The following MYO1F variants were observed in gnomAD, a reference collection of about 807,000 sequenced individuals.
The protein encoded by MYO1F is myosin IF.
MYO1F carries 60 observed loss-of-function variants against 146.6 expected under a neutral mutation model. The ratio of observed to expected loss-of-function variants is 0.41; its 90% CI spans 0.33 to 0.51. MYO1F has a LOEUF of 0.51. Among genes scored for constraint, MYO1F ranks in the 20% least tolerant of loss-of-function variants. MYO1F has a pLI of 0.25. For synonymous variants in MYO1F, 602 were observed against 602.1 expected (o/e 1.00, Z 0.00); for missense variants, 1,274 against 1,534.3 (o/e 0.83, Z 2.83).
intron 22 of MYO1F, 21 bp from the exon 23 acceptor site, chr19:8,526,956 G>C (rs775216667): frequency 6.2e-7 from 1 of 1,612,986 alleles, no homozygotes; most frequent in Non-Finnish European, 8.5e-7. Context: ...GCGGGTGAGA[G>C]CGTCAGGTGG....
At chr19:8,527,698 C>T (rs1254054103) in intron 21 of MYO1F, among the ~76,000 whole-genome samples, 4 of 152,140 alleles carry the variant, frequency 2.6e-5, no homozygotes, top group African/African-American at 9.7e-5. Flanking sequence ...CTGCAACCTC[C>T]CCCTCCTGGG....
In MYO1F at chr19:8,551,508, C is replaced by T. The variant is rs2013694; in HGVS notation, c.771+232G>A. 0.1 allele frequency: 54,237 copies of T among 541,126 alleles called. 3,106 individuals carry two copies. Among genetic ancestry groups the T allele is most frequent in the East Asian group, 0.13 (3,707 of 28,186 alleles). The allele number at this position is 541,126 out of a possible 1,614,324, so 33.5% of individuals were successfully genotyped here. A position where few individuals can be genotyped will look rare whatever the true frequency, so the allele number is the denominator to read the frequency against. On this transcript the variant is annotated intron_variant, in intron 8 of 27. Coordinates refer to ENST00000644032, the MANE Select transcript of MYO1F (RefSeq NM_012335.4). ...CTGGGATTACAGTCACACGCCACCA[C>T]ATCTGGCTAATTTTTGTATTTTAAG...
At position 8,525,551 on chromosome 19, in the gene MYO1F, T is replaced by A; in HGVS notation, c.2782A>T (p.Lys928Ter). 6.2e-7 allele frequency: 1 copy of A among 1,613,408 alleles called. No individual in the cohort carries two copies. ...GLPKSSKPTR[K>*]GMAKGKPRRS... ...CGAGGTTTTCCCTTGGCCATTCCCT[T>A]CCGCGTAGGCTCTGAAAGAAGAGTG... Residue 928 changes from lysine (K) to a stop codon, truncating the protein, a stop_gained, in exon 25 of 28, where the codon AAG becomes TAG. Transcript: ENST00000644032. LOFTEE classifies it high-confidence loss of function.
intron 1 of MYO1F, among the ~76,000 whole-genome samples, chr19:8,566,873 G>A (rs1008457594): frequency 2.0e-5 from 3 of 151,632 alleles, no homozygotes; most frequent in South Asian, 4.2e-4. Flanking sequence ...ATAGAGTCTC[G>A]CTATGTTGCC....
intron 1 of MYO1F, among the ~76,000 whole-genome samples, chr19:8,556,249 G>A (rs867876732): frequency 6.6e-6 from 1 of 150,674 alleles, no homozygotes. Flanking sequence ...AGGCTGGTCT[G>A]GAACTCCTGA....
intron 2 of MYO1F, 79 bp from the exon 3 acceptor site, chr19:8,554,822 C>G: frequency 3.2e-6 from 4 of 1,264,990 alleles, no homozygotes; most frequent in Non-Finnish European, 4.6e-6. Context: ...CCACCCAGGG[C>G]TTCCTAAAAC....
At chr19:8,525,587 G>GA (rs1972233346) in intron 24 of MYO1F, 25 bp from the exon 25 acceptor site, 1 of 1,593,244 alleles carries the variant, frequency 6.3e-7, no homozygotes, top group Non-Finnish European at 8.6e-7. Context: ...TCAGGGAGTT[G>GA]AATGACAGAC....
At position 8,530,270 on chromosome 19, in the gene MYO1F, G is replaced by T; in HGVS notation, c.2254C>A (p.Leu752Met). 6.2e-7 allele frequency: 1 copy of T among 1,614,134 alleles called. No individual in the cohort carries two copies. Among genetic ancestry groups the T allele is most frequent in the South Asian group, 1.1e-5 (1 of 91,080 alleles). ...TCCCTCTTGCCCAGGAACTGACGCA[G>T]CTCGGGCCGCTCCTCCAGCCCCAGG... ...DYLGLEERPELRQFLGKRERV... is the reference protein window; with the variant it reads ...DYLGLEERPEMRQFLGKRERV... The change falls in exon 21 of 28, where the codon CTG (leucine) becomes ATG (methionine). Residue 752 changes from leucine to methionine, a missense_variant. Coordinates refer to ENST00000644032, the MANE Select transcript of MYO1F (RefSeq NM_012335.4). This position sits in a 1 kb window ranked among gnomAD's most constrained non-coding sequence, Gnocchi z 5.8.
At chr19:8,570,010 A>G (rs2042079395) in intron 1 of MYO1F, among the ~76,000 whole-genome samples, 1 of 152,048 alleles carries the variant, frequency 6.6e-6, no homozygotes, top group Admixed American at 6.6e-5. Context: ...GGCTCAAGCG[A>G]ATCCTCCTGC....
intron 25 of MYO1F, among the ~76,000 whole-genome samples, chr19:8,524,546 C>G (rs891292839): frequency 6.0e-5 from 9 of 150,110 alleles, no homozygotes; most frequent in Admixed American, 2.0e-4. Context: ...GATCATGCCA[C>G]TGCACTCCAG....
At chr19:8,570,896 C>A (rs1489208880) in intron 1 of MYO1F, among the ~76,000 whole-genome samples, 2 of 152,132 alleles carry the variant, frequency 1.3e-5, no homozygotes, top group African/African-American at 4.8e-5. Context: ...ACCTCTCTGC[C>A]TCAGTTTCCT....
rs1972431792 is a variant in MYO1F at position 8,530,372 on chromosome 19, G to A, written c.2159-7C>T. 1.2e-6 allele frequency: 2 copies of A among 1,614,094 alleles called. No individual in the cohort carries two copies. The highest frequency in any genetic ancestry group is 2.2e-5 in the East Asian group (1 of 44,882). ...TTCAGCAGGATGTTGGAAGCTGCGGGGACAGAGGGTGGAGGGCAGAGCTCC... is the reference window on the plus strand; with the variant it reads ...TTCAGCAGGATGTTGGAAGCTGCGGAGACAGAGGGTGGAGGGCAGAGCTCC... On this transcript the variant is annotated splice_region_variant and splice_polypyrimidine_tract_variant and intron_variant, in intron 20 of 27. Transcript: ENST00000644032. This position sits in a 1 kb window ranked among gnomAD's most constrained non-coding sequence, Gnocchi z 5.8.
intron 1 of MYO1F, among the ~76,000 whole-genome samples, chr19:8,557,527 T>G (rs2145935827): frequency 6.6e-6 from 1 of 152,260 alleles, no homozygotes; most frequent in African/African-American, 2.4e-5. Flanking sequence ...GGTCTTGAAC[T>G]CCTGGGCTGA....
chr19:8,575,683 G>A (rs2042227454), intron 1 of MYO1F, among the ~76,000 whole-genome samples: 1 of 152,058 alleles, frequency 6.6e-6, no homozygotes, highest in Admixed American at 6.6e-5. Context: ...ACTCCTCCAG[G>A]AAGATTTCAG....
chr19:8,543,996 C>A (rs74744323), intron 14 of MYO1F: 3 of 137,132 alleles, frequency 2.2e-5, no homozygotes, highest in South Asian at 5.9e-5. Flanking sequence ...GGTGGTGGTG[C>A]TGGTGGTGGC....
intron 1 of MYO1F, among the ~76,000 whole-genome samples, chr19:8,556,107 C>T (rs973986500): frequency 1.4e-4 from 21 of 151,664 alleles, no homozygotes; most frequent in African/African-American, 4.6e-4. Context: ...CTGCTCACTG[C>T]AACATCCACC....
At position 8,536,318 on chromosome 19, in the gene MYO1F, C is replaced by T. The variant is rs771853880; in HGVS notation, c.1977G>A (p.Ala659=). The change falls in exon 19 of 28, where the codon GCG becomes GCA. Residue 659 remains alanine (A), a synonymous_variant. Transcript: ENST00000644032. ...ERQGVQHLLR[A]VNMEPDQYQM... Reference sequence around the variant, plus strand: ...GGTACTGGTCGGGCTCCATGTTGACCGCCCGAAGCAGGTGCTGGACGCCCT... The same window carrying T: ...GGTACTGGTCGGGCTCCATGTTGACTGCCCGAAGCAGGTGCTGGACGCCCT... The T allele has an allele frequency of 2.9e-5, 47 of 1,608,082 alleles. No homozygotes were observed. The Admixed American group carries it at 3.3e-4, about 11-fold the overall frequency.
chr19:8,548,098 T>C lies in MYO1F; in HGVS notation c.1207A>G (p.Ile403Val). Reference sequence around the variant, plus strand: ...TGCAGCTTCTCATTGACGAAGTTGATGCAAAACTGCTCGAAGCCATTTTTC... The same window carrying C: ...TGCAGCTTCTCATTGACGAAGTTGACGCAAAACTGCTCGAAGCCATTTTTC... ...FQKNGFEQFC[I>V]NFVNEKLQQI... is the part of the protein sequence containing the mutation. The change falls in exon 12 of 28, where the codon ATC becomes GTC. Residue 403 changes from isoleucine (I) to valine (V), a missense_variant. Ile to Val is a conservative substitution (Grantham distance 29, BLOSUM62 3). This residue lies in a region of MYO1F where 900 missense variants were observed against 1,155.1 expected (regional missense o/e 0.78). Transcript: ENST00000644032. The C allele has an allele frequency of 1.9e-6, 3 of 1,613,838 alleles. No individual in the cohort carries two copies. Among genetic ancestry groups the C allele is most frequent in the Non-Finnish European group, 1.7e-6 (2 of 1,179,984 alleles).
intron 27 of MYO1F, among the ~76,000 whole-genome samples, chr19:8,522,078 G>A (rs1407756201): frequency 6.7e-6 from 1 of 148,404 alleles, no homozygotes; most frequent in Non-Finnish European, 1.5e-5. Context: ...GCTGGAGTGT[G>A]TTGGCGCAAT....
Sources: allele counts gnomAD v4.1 joint callset (sites outside exome capture counted in the v4.1 genomes callset), GRCh38; gene constraint gnomAD v4.1.1; regional missense constraint gnomAD v4.1.1; non-coding constraint Gnocchi (gnomAD v3.1); transcripts MANE v1.5; gene names NCBI Gene and HGNC (gene_info 2026-07-23, HGNC 2026-07-21).